Variants in SGCD observed in about 807,000 individuals in gnomAD.
SGCD encodes delta-sarcoglycan.
Under a neutral mutation model 36.6 loss-of-function variants are expected in SGCD, and 18 were observed. That is an observed-to-expected ratio of 0.49 (90% confidence interval 0.34 to 0.73). The LOEUF is 0.73. SGCD is among the 30% of genes least tolerant of loss of function. SGCD has a pLI of 0.01. For missense variants in SGCD, 387 were observed against 346.7 expected (o/e 1.12, Z -0.92); for synonymous variants, 133 against 130.6 (o/e 1.02, Z -0.12).
intron 3 of SGCD, among the ~76,000 whole-genome samples, chr5:156,229,923 A>G (rs1764972274): frequency 6.6e-6 from 1 of 151,894 alleles, no homozygotes; most frequent in African/African-American, 2.4e-5. Flanking sequence ...TGAGTTCCGA[A>G]TTTCTTTCTT....
chr5:156,159,130 A>G (rs1763029398), intron 3 of SGCD, among the ~76,000 whole-genome samples: 1 of 151,654 alleles, frequency 6.6e-6, no homozygotes, highest in African/African-American at 2.4e-5. Flanking sequence ...GAATGGTAAT[A>G]TCTGTCTTGG....
intron 1 of SGCD, among the ~76,000 whole-genome samples, chr5:155,932,752 A>G (rs923482910): frequency 6.6e-6 from 1 of 152,194 alleles, no homozygotes; most frequent in East Asian, 1.9e-4. Context: ...TTTGTATTTA[A>G]TGAATCATGA....
intron 1 of SGCD, among the ~76,000 whole-genome samples, chr5:155,874,772 G>A (rs1480702785): frequency 6.6e-6 from 1 of 152,120 alleles, no homozygotes; most frequent in African/African-American, 2.4e-5. Flanking sequence ...CCAGGTATTG[G>A]TGAGTATGTG....
rs1231689446 is a variant in SGCD at position 156,764,619 on chromosome 5, A to T, written c.*5229A>T. 6.6e-6 allele frequency: 1 copy of T among 152,396 alleles called. No individual in the cohort carries two copies. Among genetic ancestry groups the T allele is most frequent in the Non-Finnish European group, 1.5e-5 (1 of 68,018 alleles). The allele number at this position is 152,396 out of a possible 1,614,324, so 9.4% of individuals were successfully genotyped here. A position where few individuals can be genotyped will look rare whatever the true frequency, so the allele number is the denominator to read the frequency against. On this transcript the variant is annotated 3_prime_UTR_variant, in exon 9 of 9. Transcript: ENST00000337851. ...AAAAGAAAATAACCTTTTTGGGGCA[A>T]CTCATGCTCACACATGCTGTTTTCT...
chr5:156,530,308 A>C (rs756061930), intron 4 of SGCD, among the ~76,000 whole-genome samples: 5 of 152,218 alleles, frequency 3.3e-5, no homozygotes, highest in Non-Finnish European at 5.9e-5. Flanking sequence ...TATTTATGGA[A>C]AGATTAATTA....
intron 1 of SGCD, among the ~76,000 whole-genome samples, chr5:155,945,363 T>C (rs1025341825): frequency 1.3e-5 from 2 of 152,328 alleles, no homozygotes; most frequent in South Asian, 4.1e-4. Context: ...GAACATCAAC[T>C]CTGTGCCTGG....
chr5:156,269,355 A>G (rs1016746796), intron 3 of SGCD, among the ~76,000 whole-genome samples: 11 of 151,714 alleles, frequency 7.3e-5, no homozygotes, highest in Non-Finnish European at 1.3e-4. Flanking sequence ...CTGTTGTCTC[A>G]GCTACTCAGG....
chr5:156,281,278 C>A (rs576248885), intron 3 of SGCD, among the ~76,000 whole-genome samples: 2 of 151,952 alleles, frequency 1.3e-5, no homozygotes, highest in African/African-American at 2.4e-5. Flanking sequence ...TCATCCCCCC[C>A]CAAAAAAGAA....
At chr5:155,940,761 C>T (rs1259548582) in intron 1 of SGCD, among the ~76,000 whole-genome samples, 1 of 152,078 alleles carries the variant, frequency 6.6e-6, no homozygotes, top group Non-Finnish European at 1.5e-5. Flanking sequence ...AGGAGAATTG[C>T]TTGAACTCAG....
At chr5:156,127,485 C>A (rs1266894621) in intron 3 of SGCD, among the ~76,000 whole-genome samples, 1 of 151,944 alleles carries the variant, frequency 6.6e-6, no homozygotes, top group East Asian at 1.9e-4. Flanking sequence ...GGCATCGTAG[C>A]ATGTACCTAT....
At position 156,286,524 on chromosome 5, in the gene SGCD, G is replaced by A. The variant is rs572133789; in HGVS notation, c.-43-43010G>A. ...AAAGGATGAGTTCATGTCCTTTGTAGGGACATGGATGAAACTGGAAACCAT... is the reference window on the plus strand; with the variant it reads ...AAAGGATGAGTTCATGTCCTTTGTAAGGACATGGATGAAACTGGAAACCAT... On this transcript the variant is annotated intron_variant, in intron 3 of 9. Coordinates refer to the SGCD transcript ENST00000517913. Among the ~76,000 whole-genome samples, 355 of 152,298 alleles carry A rather than the reference G, an allele frequency of 2.3e-3. 1 individual carries two copies. Among genetic ancestry groups the A allele is most frequent in the African/African-American group, 8.3e-3 (344 of 41,552 alleles).
chr5:155,854,942 C>T, the SGCD span, among the ~76,000 whole-genome samples: 1 of 152,118 alleles, frequency 6.6e-6, no homozygotes, highest in Admixed American at 6.6e-5. Context: ...AAAAGTCCAA[C>T]GGCCTACCCA....
intron 1 of SGCD, among the ~76,000 whole-genome samples, chr5:156,093,373 A>G (rs929407870): frequency 2.0e-5 from 3 of 152,192 alleles, no homozygotes; most frequent in African/African-American, 7.2e-5. Context: ...TGTTTTTTTA[A>G]CTTTCTCTTT....
chr5:156,294,102 G>C (rs1430893879), intron 3 of SGCD, among the ~76,000 whole-genome samples: 1 of 151,944 alleles, frequency 6.6e-6, no homozygotes, highest in Non-Finnish European at 1.5e-5. Context: ...ATTTTAAATG[G>C]AATTGTTGGT....
chr5:156,027,282 C>A (rs1187407580), intron 1 of SGCD, among the ~76,000 whole-genome samples: 2 of 152,020 alleles, frequency 1.3e-5, no homozygotes, highest in African/African-American at 4.8e-5. Flanking sequence ...AAGTTGGGCA[C>A]CAAGTTTCTA....
At chr5:155,979,118 C>A (rs1758177395) in intron 1 of SGCD, among the ~76,000 whole-genome samples, 1 of 152,198 alleles carries the variant, frequency 6.6e-6, no homozygotes. Flanking sequence ...ATTCCAGACT[C>A]TCCCAGGATT....
At chr5:156,631,757 G>A (rs1762644234) in intron 6 of SGCD, among the ~76,000 whole-genome samples, 1 of 151,992 alleles carries the variant, frequency 6.6e-6, no homozygotes, top group South Asian at 2.1e-4. Context: ...CTGCTATCCT[G>A]TGGATTTCCA....
intron 3 of SGCD, among the ~76,000 whole-genome samples, chr5:156,278,368 G>A (rs975717427): frequency 6.6e-6 from 1 of 152,178 alleles, no homozygotes; most frequent in African/African-American, 2.4e-5. Flanking sequence ...GGTTGCTCTT[G>A]CCTGCACTGA....
chr5:156,106,549 A>G (rs1444234762), intron 1 of SGCD, among the ~76,000 whole-genome samples: 1 of 152,206 alleles, frequency 6.6e-6, no homozygotes, highest in African/African-American at 2.4e-5. Context: ...ATGAGTAGAA[A>G]ATGGGGTCTG....
Sources: gnomAD v4.1 joint callset for allele counts (sites outside exome capture counted in the v4.1 genomes callset) on GRCh38, gnomAD v4.1.1 for gene constraint, MANE v1.5 for transcripts, NCBI Gene and HGNC (gene_info 2026-07-23, HGNC 2026-07-21) for gene names.